Variants in FSTL4 observed in about 807,000 individuals in gnomAD.
FSTL4 encodes follistatin like 4, also known as follistatin-related protein 4.
A neutral mutation model predicts 78.2 loss-of-function variants in FSTL4; 28 were observed. That is an observed-to-expected ratio of 0.36 (90% confidence interval 0.27 to 0.49). The LOEUF (loss-of-function observed/expected upper bound fraction) is 0.49. Among genes scored for constraint, FSTL4 ranks in the 20% least tolerant of loss-of-function variants. The pLI is 0.98. For missense variants in FSTL4, 922 were observed against 1,084.9 expected (o/e 0.85, Z 2.11); for synonymous variants, 422 against 440.5 (o/e 0.96, Z 0.53).
At chr5:133,714,957 T>A in the FSTL4 span, among the ~76,000 whole-genome samples, 1 of 152,208 alleles carries the variant, frequency 6.6e-6, no homozygotes, top group Non-Finnish European at 1.5e-5. Context: ...CGCCCTTGAG[T>A]TTCCTCATCT....
intron 1 of FSTL4, among the ~76,000 whole-genome samples, chr5:133,607,469 T>C (rs1192707679): frequency 6.6e-6 from 1 of 152,128 alleles, no homozygotes; most frequent in African/African-American, 2.4e-5. Context: ...GGGGCAATGA[T>C]TATCCCTCAA....
the FSTL4 span, among the ~76,000 whole-genome samples, chr5:133,718,217 C>T: frequency 1.3e-5 from 2 of 151,962 alleles, no homozygotes; most frequent in Admixed American, 6.6e-5. Context: ...CTCAGCCTCC[C>T]GAGTGGTGTG....
intron 3 of FSTL4, among the ~76,000 whole-genome samples, chr5:133,536,537 T>C (rs1198554100): frequency 6.6e-6 from 1 of 152,116 alleles, no homozygotes; most frequent in African/African-American, 2.4e-5. Context: ...CCATAATAAA[T>C]ATTTAAAATT....
chr5:133,765,003 C>A, the FSTL4 span, among the ~76,000 whole-genome samples: 1 of 152,242 alleles, frequency 6.6e-6, no homozygotes, highest in South Asian at 2.1e-4. Context: ...GAATATGCTG[C>A]GCTTTATGCC....
At chr5:133,663,656 A>G in the FSTL4 span, among the ~76,000 whole-genome samples, 1 of 152,216 alleles carries the variant, frequency 6.6e-6, no homozygotes, top group Admixed American at 6.5e-5. Context: ...TAGGAGTGAG[A>G]TTCAAAAGGG....
At chr5:133,808,560 G>A in the FSTL4 span, among the ~76,000 whole-genome samples, 2 of 152,166 alleles carry the variant, frequency 1.3e-5, no homozygotes, top group African/African-American at 2.4e-5. Flanking sequence ...TGTGAACTTC[G>A]CAGTATTAAA....
At chr5:133,337,377 G>T (rs905984405) in intron 4 of FSTL4, among the ~76,000 whole-genome samples, 6 of 152,190 alleles carry the variant, frequency 3.9e-5, no homozygotes, top group African/African-American at 1.4e-4. Context: ...GTTTTTAAAT[G>T]CAGATGAGGT....
chr5:133,694,953 G>A, the FSTL4 span, among the ~76,000 whole-genome samples: 2 of 152,104 alleles, frequency 1.3e-5, no homozygotes, highest in Non-Finnish European at 2.9e-5. Context: ...ATCAGCTTGG[G>A]GGTTAGGGCT....
At chr5:133,617,856 G>A in the FSTL4 span, among the ~76,000 whole-genome samples, 13 of 152,246 alleles carry the variant, frequency 8.5e-5, no homozygotes, top group East Asian at 1.9e-4. Context: ...CGTGGCATAC[G>A]AGAAGATCTA....
intron 1 of FSTL4, among the ~76,000 whole-genome samples, chr5:133,607,931 G>C (rs924805000): frequency 2.2e-4 from 34 of 152,142 alleles, no homozygotes; most frequent in African/African-American, 8.2e-4. Flanking sequence ...AGGGAGGGAG[G>C]GGAACCATAA....
the FSTL4 span, among the ~76,000 whole-genome samples, chr5:133,676,002 C>T: frequency 2.6e-5 from 4 of 152,146 alleles, no homozygotes; most frequent in East Asian, 1.9e-4. Flanking sequence ...TAGACACAGG[C>T]CCTCCCCACC....
chr5:133,558,736 G>T (rs1323443529), intron 3 of FSTL4, among the ~76,000 whole-genome samples: 1 of 152,118 alleles, frequency 6.6e-6, no homozygotes, highest in Non-Finnish European at 1.5e-5. Context: ...AGACCAGTGG[G>T]GTGCGTTAGA....
the FSTL4 span, among the ~76,000 whole-genome samples, chr5:133,641,418 C>CT: frequency 6.6e-6 from 1 of 152,122 alleles, no homozygotes; most frequent in Non-Finnish European, 1.5e-5. Flanking sequence ...ACTCCCTAAA[C>CT]TTAACAACTG....
chr5:133,293,723 C>T (rs922457727), intron 6 of FSTL4, among the ~76,000 whole-genome samples: 2 of 152,144 alleles, frequency 1.3e-5, no homozygotes, highest in African/African-American at 2.4e-5. Flanking sequence ...ACGGAAGAAC[C>T]ACATCCTGAA....
rs138878864 is a variant in FSTL4, at chr5:133,439,235, C to A, written c.161-38249G>T. Among the ~76,000 whole-genome samples, 48 of 152,276 alleles carry A rather than the reference C, an allele frequency of 3.2e-4. 1 individual carries two copies. The highest frequency in any genetic ancestry group is 7.2e-4 in the Admixed American group (11 of 15,306). On this transcript the variant is annotated intron_variant, in intron 3 of 15. Transcript: ENST00000265342. ...ATAGAACAAGAGTGTCTAGGCCTATCTTCCTTTTTATGTTTCTAGAACTCT... is the reference window on the plus strand; with the variant it reads ...ATAGAACAAGAGTGTCTAGGCCTATATTCCTTTTTATGTTTCTAGAACTCT...
chr5:133,438,493 T>C (rs552583594), intron 3 of FSTL4, among the ~76,000 whole-genome samples: 6 of 152,180 alleles, frequency 3.9e-5, no homozygotes, highest in Non-Finnish European at 8.8e-5. Flanking sequence ...ATATATGAAG[T>C]CCCTGAATTT....
At chr5:133,799,160 C>T in the FSTL4 span, among the ~76,000 whole-genome samples, 1 of 137,062 alleles carries the variant, frequency 7.3e-6, no homozygotes, top group Non-Finnish European at 1.6e-5. Context: ...TTCCACGTGC[C>T]CCTCTTCCCC....
At chr5:133,207,646 C>G (rs373006636) in intron 14 of FSTL4, among the ~76,000 whole-genome samples, 2 of 152,174 alleles carry the variant, frequency 1.3e-5, no homozygotes, top group African/African-American at 4.8e-5. Flanking sequence ...ATACTCCCTA[C>G]TTTTGTTTAT....
intron 4 of FSTL4, among the ~76,000 whole-genome samples, chr5:133,388,243 T>C (rs1309757509): frequency 6.6e-6 from 1 of 152,212 alleles, no homozygotes; most frequent in East Asian, 1.9e-4. Flanking sequence ...AGGGTTCATC[T>C]TTCACTTTTT....
Sources: allele counts gnomAD v4.1 joint callset (sites outside exome capture counted in the v4.1 genomes callset), GRCh38; gene constraint gnomAD v4.1.1; transcripts MANE v1.5; gene names NCBI Gene and HGNC (gene_info 2026-07-23, HGNC 2026-07-21).